The following GPD2 variants were observed in gnomAD, a reference collection of about 807,000 sequenced individuals.
GPD2 encodes glycerol-3-phosphate dehydrogenase 2, also known as glycerol-3-phosphate dehydrogenase, mitochondrial.
In GPD2, 54 loss-of-function variants were observed where a neutral mutation model predicts 82.4. That is an observed-to-expected ratio of 0.66 (90% CI 0.53 to 0.82). The LOEUF (loss-of-function observed/expected upper bound fraction) is 0.82, where lower values mean the gene tolerates loss of function less well. GPD2 is among the 40% of genes least tolerant of loss of function. GPD2 has a pLI of 0.00. For missense variants in GPD2, 748 were observed against 896.2 expected (o/e 0.83, Z 2.11); for synonymous variants, 288 against 306.1 (o/e 0.94, Z 0.62).
intron 15 of GPD2, 28 bp from the exon 16 acceptor site, chr2:156,579,662 T>C (rs1186125781): frequency 6.7e-6 from 7 of 1,051,022 alleles, no homozygotes; most frequent in Non-Finnish European, 1.0e-5. Context: ...AATCAAACTG[T>C]ATTATTCTAT....
the GPD2 span, among the ~76,000 whole-genome samples, chr2:156,400,597 G>T: frequency 6.6e-6 from 1 of 152,248 alleles, no homozygotes; most frequent in Non-Finnish European, 1.5e-5. Context: ...AGCTCGTTGC[G>T]CGAGGTCTGA....
chr2:156,555,312 T>C (rs1260786609), intron 8 of GPD2, among the ~76,000 whole-genome samples: 1 of 152,230 alleles, frequency 6.6e-6, no homozygotes, highest in Non-Finnish European at 1.5e-5. Context: ...GTTCACCTTT[T>C]AAACTACTTT....
intron 13 of GPD2, among the ~76,000 whole-genome samples, chr2:156,575,453 A>G (rs1367078017): frequency 1.5e-5 from 2 of 135,380 alleles, no homozygotes; most frequent in Non-Finnish European, 3.1e-5. Flanking sequence ...CCCAGGCTGG[A>G]GTGCAGTGAT....
the GPD2 span, among the ~76,000 whole-genome samples, chr2:156,415,415 T>C: frequency 4.6e-5 from 7 of 151,864 alleles, no homozygotes; most frequent in Admixed American, 4.6e-4. Flanking sequence ...GCCTCGGCCT[T>C]CCAAAGTGCT....
chr2:156,549,541 C>T, intron 6 of GPD2, 67 bp from the exon 7 acceptor site: 1 of 1,384,862 alleles, frequency 7.2e-7, no homozygotes, highest in Non-Finnish European at 1.0e-6. Flanking sequence ...TTGTGACACA[C>T]TTTTGTACCA....
chr2:156,489,694 TC>T (rs1372688497), intron 2 of GPD2, among the ~76,000 whole-genome samples: 4 of 19,594 alleles, frequency 2.0e-4, no homozygotes, highest in Non-Finnish European at 3.8e-4. Context: ...CCTTCTTCCT[TC>T]CTTCCTTCCT....
At chr2:156,401,671 A>G in the GPD2 span, among the ~76,000 whole-genome samples, 5 of 152,216 alleles carry the variant, frequency 3.3e-5, no homozygotes, top group Admixed American at 6.5e-5. Flanking sequence ...GGAAATTGGT[A>G]AATTGGAACT....
chr2:156,476,077 G>A (rs759861336), intron 1 of GPD2, 21 bp from the exon 2 acceptor site: 5 of 1,278,012 alleles, frequency 3.9e-6, no homozygotes, highest in Non-Finnish European at 5.7e-6. Flanking sequence ...ACTTCTTTTT[G>A]TTTCTTATTT....
chr2:156,431,111 A>G (rs904028855), upstream of GPD2, among the ~76,000 whole-genome samples: 2 of 152,246 alleles, frequency 1.3e-5, no homozygotes, highest in South Asian at 2.1e-4. Flanking sequence ...ATGAAAACCC[A>G]TGACTGTCCT....
intron 11 of GPD2, 105 bp downstream of exon 11, chr2:156,569,643 C>CAGAAA: frequency 3.4e-6 from 3 of 881,672 alleles, no homozygotes; most frequent in Non-Finnish European, 5.8e-6. Flanking sequence ...TTTCCTTTTG[C>CAGAAA]TGAATACATT....
intron 7 of GPD2, 71 bp downstream of exon 7, chr2:156,549,843 T>C: frequency 1.8e-6 from 2 of 1,103,576 alleles, no homozygotes; most frequent in Non-Finnish European, 2.7e-6. Flanking sequence ...TGAATTATAA[T>C]TTTTCTGTCA....
At chr2:156,515,977 G>A (rs1285518574) in intron 6 of GPD2, among the ~76,000 whole-genome samples, 2 of 152,170 alleles carry the variant, frequency 1.3e-5, no homozygotes, top group African/African-American at 2.4e-5. Context: ...AGGTGACGAG[G>A]AGCATGTAGG....
chr2:156,555,281 A>G lies in GPD2; in HGVS notation c.972-2108A>G, dbSNP rs145722386. ...TTGATTCTCTACAGGTTCCAGTTAC[A>G]TGTGTGTTGGTAACCATCATGTTCA... On this transcript the variant is annotated intron_variant, in intron 8 of 16. Transcript: ENST00000438166. 5.3e-5 allele frequency among the ~76,000 whole-genome samples: 8 copies of G among 152,316 alleles called. No homozygotes were observed. The East Asian group carries it at 1.3e-3, about 26-fold the overall frequency.
intron 8 of GPD2, among the ~76,000 whole-genome samples, chr2:156,556,287 A>C (rs554905282): frequency 6.6e-6 from 1 of 152,220 alleles, no homozygotes; most frequent in African/African-American, 2.4e-5. Flanking sequence ...AGCTAAAAAC[A>C]TATTTATAGA....
the GPD2 span, among the ~76,000 whole-genome samples, chr2:156,408,105 G>A: frequency 7.9e-5 from 12 of 151,726 alleles, no homozygotes; most frequent in East Asian, 1.4e-3. Context: ...ACAGGCATGC[G>A]CCACCACACT....
the GPD2 span, among the ~76,000 whole-genome samples, chr2:156,408,038 T>A: frequency 2.0e-5 from 3 of 149,928 alleles, no homozygotes; most frequent in South Asian, 6.4e-4. Flanking sequence ...CACTGTTGCC[T>A]TGAGGTCCCC....
chr2:156,573,486 T>C (rs1242944390), intron 13 of GPD2, among the ~76,000 whole-genome samples: 1 of 152,118 alleles, frequency 6.6e-6, no homozygotes, highest in Admixed American at 6.6e-5. Flanking sequence ...ATAGAAGGAT[T>C]GGGGATAATG....
At chr2:156,548,166 TGCATTTA>T (rs1241648452) in intron 6 of GPD2, among the ~76,000 whole-genome samples, 1 of 152,248 alleles carries the variant, frequency 6.6e-6, no homozygotes, top group East Asian at 1.9e-4. Flanking sequence ...ACTGTTTTCA[TGCATTTA>T]GTTTTATAAA....
intron 6 of GPD2, among the ~76,000 whole-genome samples, chr2:156,547,491 T>C (rs1420649354): frequency 6.6e-6 from 1 of 152,236 alleles, no homozygotes; most frequent in Non-Finnish European, 1.5e-5. Context: ...GTATGAACCA[T>C]GGCAGACGAG....
Sources: gnomAD v4.1 joint callset for allele counts (sites outside exome capture counted in the v4.1 genomes callset) on GRCh38, gnomAD v4.1.1 for gene constraint, MANE v1.5 for transcripts, NCBI Gene and HGNC (gene_info 2026-07-23, HGNC 2026-07-21) for gene names.